TENM2: variants seen among roughly 807,000 people sequenced by gnomAD.
TENM2 encodes teneurin-2.
A neutral mutation model predicts 245.2 loss-of-function variants in TENM2; 52 were observed. The ratio of observed to expected loss-of-function variants is 0.21; its 90% CI spans 0.17 to 0.27. The LOEUF is 0.27. Ranked by LOEUF, TENM2 falls within the 10% of genes least tolerant of loss-of-function variation. The probability of loss-of-function intolerance (pLI) is 1.00; values close to 1 mark genes in which losing one functional copy is unlikely to be tolerated. For missense variants in TENM2, 3,046 were observed against 3,666.8 expected (o/e 0.83, Z 4.37); for synonymous variants, 1,363 against 1,438.9 (o/e 0.95, Z 1.19).
chr5:167,181,304 G>A, the TENM2 span, among the ~76,000 whole-genome samples: 101,989 of 151,946 alleles, frequency 0.67, 36,172 homozygotes, highest in African/African-American at 0.9. Context: ...ATTCCTCTGT[G>A]GTCTTATTCA....
intron 2 of TENM2, among the ~76,000 whole-genome samples, chr5:167,774,993 G>A (rs1302048780): frequency 6.6e-6 from 1 of 152,048 alleles, no homozygotes; most frequent in Non-Finnish European, 1.5e-5. Flanking sequence ...TTTTGAGATG[G>A]AGTTTCACTC....
chr5:167,860,773 T>C (rs1363392556), intron 2 of TENM2, among the ~76,000 whole-genome samples: 1 of 69,938 alleles, frequency 1.4e-5, no homozygotes, highest in Admixed American at 1.5e-4. Context: ...AAACATGTGC[T>C]GTGTCCACTC....
the TENM2 span, among the ~76,000 whole-genome samples, chr5:167,089,655 C>T: frequency 6.6e-6 from 1 of 151,880 alleles, no homozygotes; most frequent in Non-Finnish European, 1.5e-5. Flanking sequence ...AGATATTGAA[C>T]AGGATGTGTA....
intron 2 of TENM2, among the ~76,000 whole-genome samples, chr5:167,707,116 A>T (rs889458501): frequency 3.3e-5 from 5 of 150,492 alleles, no homozygotes; most frequent in Admixed American, 1.3e-4. Context: ...AACACATGGT[A>T]GGTGATATCT....
At chr5:168,101,491 TG>T (rs1411076115) in intron 9 of TENM2, among the ~76,000 whole-genome samples, 1 of 152,118 alleles carries the variant, frequency 6.6e-6, no homozygotes, top group Non-Finnish European at 1.5e-5. Flanking sequence ...GGATCTGTAA[TG>T]GGGTGTCCAT....
chr5:167,081,342 A>G, the TENM2 span, among the ~76,000 whole-genome samples: 1 of 152,108 alleles, frequency 6.6e-6, no homozygotes, highest in Non-Finnish European at 1.5e-5. Flanking sequence ...CTCGTTTCAT[A>G]CCATTATTAA....
At chr5:168,066,542 A>G (rs1223474087) in intron 7 of TENM2, among the ~76,000 whole-genome samples, 10 of 152,248 alleles carry the variant, frequency 6.6e-5, no homozygotes. Flanking sequence ...CACCAGCAGC[A>G]TTGTGGAAAC....
At chr5:168,000,066 G>T (rs1172305705) in intron 5 of TENM2, among the ~76,000 whole-genome samples, 1 of 152,222 alleles carries the variant, frequency 6.6e-6, no homozygotes, top group African/African-American at 2.4e-5. Flanking sequence ...CTCTCTAGCA[G>T]TCATCCATCC....
the TENM2 span, among the ~76,000 whole-genome samples, chr5:167,090,786 T>A: frequency 6.6e-6 from 1 of 152,212 alleles, no homozygotes; most frequent in Non-Finnish European, 1.5e-5. Context: ...ATATACTTCT[T>A]ATTTGTGTTG....
At chr5:167,437,654 C>A (rs947447099) in intron 2 of TENM2, among the ~76,000 whole-genome samples, 1 of 152,078 alleles carries the variant, frequency 6.6e-6, no homozygotes, top group Non-Finnish European at 1.5e-5. Context: ...TCCCACAATT[C>A]CCCCATGTCA....
intron 5 of TENM2, among the ~76,000 whole-genome samples, chr5:168,009,653 G>A (rs561941357): frequency 1.1e-4 from 16 of 152,180 alleles, no homozygotes; most frequent in Non-Finnish European, 2.2e-4. Context: ...TTTAGAATTA[G>A]CCTCCAAACT....
At chr5:167,046,081 A>G in the TENM2 span, among the ~76,000 whole-genome samples, 1 of 152,144 alleles carries the variant, frequency 6.6e-6, no homozygotes, top group Non-Finnish European at 1.5e-5. Flanking sequence ...ATAGCCACTT[A>G]CTGTCTTGCT....
chr5:168,058,464 A>G (rs1789752747), intron 6 of TENM2, among the ~76,000 whole-genome samples: 1 of 152,228 alleles, frequency 6.6e-6, no homozygotes, highest in African/African-American at 2.4e-5. Flanking sequence ...TGTGGGCTGC[A>G]GAAAAGCATA....
the TENM2 span, among the ~76,000 whole-genome samples, chr5:167,082,479 G>T: frequency 1.3e-5 from 2 of 152,164 alleles, no homozygotes; most frequent in South Asian, 4.1e-4. Context: ...TAGAGACGGG[G>T]TTTCACCATG....
At chr5:167,148,594 G>A in the TENM2 span, among the ~76,000 whole-genome samples, 15 of 152,226 alleles carry the variant, frequency 9.9e-5, no homozygotes, top group Admixed American at 8.5e-4. Context: ...AAAGAACCAC[G>A]CATAGGGCCA....
the TENM2 span, among the ~76,000 whole-genome samples, chr5:167,095,801 G>T: frequency 3.6e-5 from 5 of 137,700 alleles, no homozygotes; most frequent in Non-Finnish European, 7.6e-5. Context: ...CAAAAGTTTC[G>T]CTCTTGTTGT....
At chr5:167,288,264 G>C (rs1233586016) in intron 1 of TENM2, among the ~76,000 whole-genome samples, 1 of 152,086 alleles carries the variant, frequency 6.6e-6, no homozygotes, top group African/African-American at 2.4e-5. Context: ...AATGACAAAG[G>C]AATAATGGCG....
intron 12 of TENM2, among the ~76,000 whole-genome samples, chr5:168,130,667 G>A (rs1276340440): frequency 6.6e-5 from 10 of 152,188 alleles, no homozygotes; most frequent in Admixed American, 6.5e-4. Context: ...GGAGGCTGAG[G>A]TAGACGGACC....
At chr5:167,951,817 C>T (rs1324252571) in intron 3 of TENM2, among the ~76,000 whole-genome samples, 1 of 152,018 alleles carries the variant, frequency 6.6e-6, no homozygotes, top group Non-Finnish European at 1.5e-5. Context: ...CACATATACA[C>T]ATATATACAC....
Sources: gnomAD v4.1 joint callset for allele counts (sites outside exome capture counted in the v4.1 genomes callset) on GRCh38, gnomAD v4.1.1 for gene constraint, MANE v1.5 for transcripts, NCBI Gene and HGNC (gene_info 2026-07-23, HGNC 2026-07-21) for gene names.